TESC: variants seen among roughly 807,000 people sequenced by gnomAD.
The protein encoded by TESC is tescalcin.
A neutral mutation model predicts 31.0 loss-of-function variants in TESC; 19 were observed. The observed-to-expected ratio is 0.61, with a 90% confidence interval of 0.43 to 0.90. The LOEUF (loss-of-function observed/expected upper bound fraction) is 0.90. TESC is among the 40% of genes least tolerant of loss of function. The pLI is 0.00. For missense variants in TESC, 248 were observed against 303.8 expected (o/e 0.82, Z 1.36); for synonymous variants, 109 against 114.8 (o/e 0.95, Z 0.32).
intron 1 of TESC, among the ~76,000 whole-genome samples, chr12:117,087,296 A>G (rs79092601): frequency 0.01 from 1,560 of 152,336 alleles, 31 homozygotes; most frequent in African/African-American, 0.035. Context: ...AATTGCTGGC[A>G]TTTATGCAGC....
At chr12:117,076,110 C>T (rs185187762) in intron 1 of TESC, among the ~76,000 whole-genome samples, 15 of 150,922 alleles carry the variant, frequency 9.9e-5, no homozygotes, top group Non-Finnish European at 2.1e-4. Flanking sequence ...AGCCACCACG[C>T]CCAGCCTAGA....
intron 6 of TESC, 143 bp from the exon 7 acceptor site, chr12:117,042,137 G>T: frequency 4.9e-6 from 4 of 822,034 alleles, no homozygotes; most frequent in Non-Finnish European, 5.7e-6. Context: ...ACAAGAAGAG[G>T]AGAACGTTCT....
In TESC at chr12:117,046,761, G is replaced by C; in HGVS notation, c.411+16C>G. Reference sequence around the variant, plus strand: ...GGCACCAGGAGCCCCGGGCGGGCCAGAGGAGCATACTTTACATTTCGATAT... The same window carrying C: ...GGCACCAGGAGCCCCGGGCGGGCCACAGGAGCATACTTTACATTTCGATAT... On this transcript the variant is annotated intron_variant, in intron 5 of 7. Transcript: ENST00000335209. The C allele has an allele frequency of 6.4e-7, 1 of 1,559,502 alleles. No homozygotes were observed. Among genetic ancestry groups the C allele is most frequent in the Non-Finnish European group, 8.7e-7 (1 of 1,151,108 alleles).
At chr12:117,045,606 G>A (rs766071001) in intron 6 of TESC, among the ~76,000 whole-genome samples, 3 of 152,132 alleles carry the variant, frequency 2.0e-5, no homozygotes, top group Admixed American at 6.5e-5. Flanking sequence ...GAAACCAACC[G>A]ACCACAGCCC....
chr12:117,088,636 G>T (rs1226867507), intron 1 of TESC, among the ~76,000 whole-genome samples: 1 of 149,344 alleles, frequency 6.7e-6, no homozygotes, highest in Non-Finnish European at 1.5e-5. Flanking sequence ...AGCCGAGATT[G>T]TGCCACTGCA....
intron 2 of TESC, among the ~76,000 whole-genome samples, chr12:117,062,524 T>C (rs1247438651): frequency 6.6e-6 from 1 of 152,126 alleles, no homozygotes; most frequent in Non-Finnish European, 1.5e-5. Context: ...ACCCGGCCTG[T>C]GCCCATTTTA....
chr12:117,099,219 A>T lies in TESC; in HGVS notation c.58+6T>A. The T allele has an allele frequency of 6.7e-7, 1 of 1,481,798 alleles. No individual in the cohort carries two copies. The highest frequency in any genetic ancestry group is 8.9e-7 in the Non-Finnish European group (1 of 1,123,860). The allele number at this position is 1,481,798 out of a possible 1,614,324, so 91.8% of individuals were successfully genotyped here. On this transcript the variant is annotated splice_donor_region_variant and intron_variant, in intron 1 of 7. Coordinates refer to ENST00000335209, the MANE Select transcript of TESC (RefSeq NM_017899.4). ...GGTCCCCGCGCCGCCCCCCGCGGGT[A>T]CTCACAGCCGGTCTTGCCCTCGAGC...
intron 2 of TESC, among the ~76,000 whole-genome samples, chr12:117,063,650 G>A (rs1954829545): frequency 6.6e-6 from 1 of 152,148 alleles, no homozygotes; most frequent in South Asian, 2.1e-4. Context: ...ACCGCTCCAG[G>A]GCTCCCTGCA....
chr12:117,049,903 G>GAAA (rs66797686), intron 3 of TESC, among the ~76,000 whole-genome samples: 7 of 86,442 alleles, frequency 8.1e-5, no homozygotes, highest in Non-Finnish European at 1.5e-4. Flanking sequence ...CCTGTCTCAA[G>GAAA]AAAAAAAAAA....
At chr12:117,074,587 G>A (rs1286032784) in intron 2 of TESC, among the ~76,000 whole-genome samples, 7 of 152,104 alleles carry the variant, frequency 4.6e-5, no homozygotes, top group African/African-American at 1.7e-4. Context: ...GGTCCTGATG[G>A]CAGCCTGAGC....
chr12:117,040,809 T>C lies in TESC; in HGVS notation c.567+1138A>G, dbSNP rs1011911523. Among the ~76,000 whole-genome samples, 6 of 152,204 alleles carry C rather than the reference T, an allele frequency of 3.9e-5. No individual in the cohort carries two copies. In the East Asian group the frequency reaches 1.2e-3, roughly 29 times the overall value. On this transcript the variant is annotated intron_variant, in intron 7 of 7. Coordinates refer to ENST00000335209, the MANE Select transcript of TESC (RefSeq NM_017899.4). ...TCCTCTCTCCTGCCGGTTCTAACCGTTGGCTGCCAGGCTTGGCCTCGGCTC... is the reference window on the plus strand; with the variant it reads ...TCCTCTCTCCTGCCGGTTCTAACCGCTGGCTGCCAGGCTTGGCCTCGGCTC...
chr12:117,060,588 C>T lies in TESC; in HGVS notation c.129-3702G>A, dbSNP rs558257272. Among the ~76,000 whole-genome samples the T allele has an allele frequency of 3.3e-5, 5 of 152,282 alleles. No homozygotes were observed. The South Asian group carries it at 6.2e-4, about 19-fold the overall frequency. On this transcript the variant is annotated intron_variant, in intron 2 of 7. Coordinates refer to ENST00000335209, the MANE Select transcript of TESC (RefSeq NM_017899.4). ...GACAATGACAGCTACAGCTCACAACCGTGCAAGCAACTTGGCCGGAGCCAC... is the reference window on the plus strand; with the variant it reads ...GACAATGACAGCTACAGCTCACAACTGTGCAAGCAACTTGGCCGGAGCCAC...
At chr12:117,099,134 G>T in intron 1 of TESC, 91 bp downstream of exon 1, 1 of 1,365,996 alleles carries the variant, frequency 7.3e-7, no homozygotes, top group Non-Finnish European at 9.6e-7. Flanking sequence ...CTGGCCCAAG[G>T]TCACACAGCG....
intron 1 of TESC, among the ~76,000 whole-genome samples, chr12:117,091,113 G>GCCA (rs1470486421): frequency 6.6e-6 from 1 of 152,174 alleles, no homozygotes; most frequent in East Asian, 1.9e-4. Flanking sequence ...GTGCTCCGTG[G>GCCA]CCACCACCAC....
At chr12:117,063,012 A>T (rs1463644559) in intron 2 of TESC, among the ~76,000 whole-genome samples, 2 of 152,102 alleles carry the variant, frequency 1.3e-5, no homozygotes, top group African/African-American at 2.4e-5. Context: ...CCTGCGGGAG[A>T]GCTTGAGCCC....
chr12:117,098,060 C>T (rs966570199), intron 1 of TESC, among the ~76,000 whole-genome samples: 1 of 152,100 alleles, frequency 6.6e-6, no homozygotes. Flanking sequence ...AATTTTCATC[C>T]AGTTCTCCTG....
rs1167653784 is a variant in TESC, at chr12:117,075,945, A to G, written c.59-605T>C. 1.7e-3 allele frequency among the ~76,000 whole-genome samples: 165 copies of G among 94,468 alleles called. 5 individuals are homozygous for G. The highest frequency in any genetic ancestry group is 3.1e-3 in the African/African-American group (60 of 19,448). 62.0% of individuals were successfully genotyped at this position (94,468 alleles called of 152,430 possible). On this transcript the variant is annotated intron_variant, in intron 1 of 7. Coordinates refer to ENST00000335209, the MANE Select transcript of TESC (RefSeq NM_017899.4). ...TGTGTATATATATATATATATGTAT[A>G]TATACATATATATATATATATGTAT... is the stretch of plus-strand genomic sequence containing the variant.
At chr12:117,079,789 A>G (rs970508532) in intron 1 of TESC, among the ~76,000 whole-genome samples, 6 of 152,192 alleles carry the variant, frequency 3.9e-5, no homozygotes, top group African/African-American at 1.4e-4. Flanking sequence ...AGAGATAAAA[A>G]TGTTCCAAAA....
intron 1 of TESC, among the ~76,000 whole-genome samples, chr12:117,075,893 A>ATATATATATATATATGTGTG (rs1955057174): frequency 2.4e-5 from 2 of 82,178 alleles, no homozygotes; most frequent in African/African-American, 1.4e-4. Context: ...ATATATATAT[A>ATATATATATATATATGTGTG]TATATATATA....
Sources: allele counts gnomAD v4.1 joint callset (sites outside exome capture counted in the v4.1 genomes callset), GRCh38; gene constraint gnomAD v4.1.1; transcripts MANE v1.5; gene names NCBI Gene and HGNC (gene_info 2026-07-23, HGNC 2026-07-21).